Variants in CD86 observed in about 807,000 individuals in gnomAD.
CD86 encodes T-lymphocyte activation antigen CD86.
In CD86, 11 loss-of-function variants were observed where a neutral mutation model predicts 32.1. The ratio of observed to expected loss-of-function variants is 0.34; its 90% CI spans 0.22 to 0.57. The LOEUF is 0.57. Among genes scored for constraint, CD86 ranks in the 20% least tolerant of loss-of-function variants. The pLI is 0.86. For missense variants in CD86, 359 were observed against 398.4 expected, an observed-to-expected ratio of 0.90 and a Z score of 0.84; for synonymous variants, 137 against 135.3, an observed-to-expected ratio of 1.01 and a Z score of -0.09.
At chr3:122,104,457 T>C (rs1446546789) in intron 3 of CD86, among the ~76,000 whole-genome samples, 1 of 152,202 alleles carries the variant, frequency 6.6e-6, no homozygotes, top group African/African-American at 2.4e-5. Context: ...CCACTACAGA[T>C]TTTTTTAAAA....
chr3:122,061,818 T>C (rs2072340755), intron 1 of CD86, among the ~76,000 whole-genome samples: 2 of 152,214 alleles, frequency 1.3e-5, no homozygotes, highest in African/African-American at 4.8e-5. Context: ...ATTTAGTATA[T>C]GACCCAGCAA....
intron 5 of CD86, among the ~76,000 whole-genome samples, chr3:122,117,440 A>G (rs955513039): frequency 6.6e-6 from 1 of 152,354 alleles, no homozygotes; most frequent in Non-Finnish European, 1.5e-5. Flanking sequence ...ATGGACACCC[A>G]GGTTAGCAAC....
chr3:122,093,239 C>T lies in CD86; in HGVS notation c.64+1589C>T, dbSNP rs1036340350. Among the ~76,000 whole-genome samples, 4 of 152,252 alleles carry T rather than the reference C, an allele frequency of 2.6e-5. No individual in the cohort carries two copies. In the East Asian group the frequency reaches 5.8e-4, roughly 22 times the overall value. ...TGGCACAGTCACAGCTCACTGTGGC[C>T]TCGATTACCTGGGCTCAAGCAATTC... On this transcript the variant is annotated intron_variant, in intron 2 of 6. Coordinates refer to ENST00000330540, the MANE Select transcript of CD86 (RefSeq NM_175862.5).
chr3:122,086,534 G>T (rs767649997), intron 1 of CD86: 2 of 459,466 alleles, frequency 4.4e-6, no homozygotes, highest in South Asian at 1.6e-5. Context: ...TTTCCCCAGA[G>T]CTCTTCTAGA....
intron 5 of CD86, 34 bp from the exon 6 acceptor site, chr3:122,118,014 T>C: frequency 6.3e-7 from 1 of 1,590,898 alleles, no homozygotes; most frequent in South Asian, 1.1e-5. Flanking sequence ...CTAGGAGGAA[T>C]ACATTTTTGA....
In CD86 at chr3:122,078,023, C is replaced by T. The variant is rs1224002127; in HGVS notation, c.15-13578C>T. 3.0e-6 allele frequency: 3 copies of T among 985,532 alleles called. No individual in the cohort carries two copies. The African/African-American group carries it at 5.2e-5, about 17-fold the overall frequency. 61.0% of individuals were successfully genotyped at this position (985,532 alleles called of 1,614,324 possible). On this transcript the variant is annotated intron_variant, in intron 1 of 6. Coordinates refer to ENST00000330540, the MANE Select transcript of CD86 (RefSeq NM_175862.5). The stretch of plus-strand genomic sequence containing the variant: ...TGCATCTGGTCTCTTTTTGGAGCTA[C>T]AGTGGACAGGCATTTGTGACAGGTA...
chr3:122,077,109 G>A (rs1046722024), intron 1 of CD86, among the ~76,000 whole-genome samples: 1 of 152,186 alleles, frequency 6.6e-6, no homozygotes, highest in African/African-American at 2.4e-5. Context: ...CTCTTTTGAA[G>A]CTCAAGTGCC....
intron 2 of CD86, among the ~76,000 whole-genome samples, chr3:122,094,340 A>G (rs543884595): frequency 6.6e-6 from 1 of 152,322 alleles, no homozygotes; most frequent in African/African-American, 2.4e-5. Context: ...TTAGCTCCTG[A>G]GAAAAGAGTT....
rs528927255 is a variant in CD86, at chr3:122,115,880, G to A, written c.848-2168G>A. Reference sequence around the variant, plus strand: ...ATCAGTCAATGGAACAAAATAGAGAGTCAAAAATAGATTCACACTGTTGAC... The same window carrying A: ...ATCAGTCAATGGAACAAAATAGAGAATCAAAAATAGATTCACACTGTTGAC... On this transcript the variant is annotated intron_variant, in intron 5 of 6. Coordinates refer to ENST00000330540, the MANE Select transcript of CD86 (RefSeq NM_175862.5). Among the ~76,000 whole-genome samples the A allele has an allele frequency of 2.6e-5, 4 of 151,872 alleles. No individual in the cohort carries two copies. The South Asian group carries it at 8.3e-4, about 32-fold the overall frequency.
At chr3:122,111,229 G>A (rs1022284720) in intron 5 of CD86, among the ~76,000 whole-genome samples, 2 of 152,204 alleles carry the variant, frequency 1.3e-5, no homozygotes, top group African/African-American at 4.8e-5. Context: ...AGGTGCAACA[G>A]GTATAACTAT....
intron 2 of CD86, among the ~76,000 whole-genome samples, chr3:122,095,112 A>C (rs2072885333): frequency 6.6e-6 from 1 of 151,456 alleles, no homozygotes; most frequent in Non-Finnish European, 1.5e-5. Flanking sequence ...CTCTTGAACA[A>C]CACCTCTAGT....
At chr3:122,112,017 T>A (rs138916760) in intron 5 of CD86, among the ~76,000 whole-genome samples, 1 of 152,370 alleles carries the variant, frequency 6.6e-6, no homozygotes, top group African/African-American at 2.4e-5. Flanking sequence ...TCTCTTTTTT[T>A]GTTTTGTCAA....
chr3:122,063,627 C>T (rs2072370426), intron 1 of CD86, among the ~76,000 whole-genome samples: 3 of 148,924 alleles, frequency 2.0e-5, no homozygotes, highest in Middle Eastern at 3.4e-3. Flanking sequence ...CAGAGTCTCA[C>T]TCACGTTGTC....
intron 4 of CD86, among the ~76,000 whole-genome samples, chr3:122,108,188 T>C (rs922295819): frequency 1.3e-5 from 2 of 152,238 alleles, no homozygotes; most frequent in Non-Finnish European, 2.9e-5. Flanking sequence ...TCTTCAGAAA[T>C]GTTTCAGCTC....
chr3:122,095,662 C>T (rs963107679), intron 2 of CD86, among the ~76,000 whole-genome samples: 2 of 152,154 alleles, frequency 1.3e-5, no homozygotes, highest in African/African-American at 4.8e-5. Flanking sequence ...CAGTCGAGAC[C>T]TATCATTCCC....
chr3:122,071,245 T>G (rs1195833928), intron 1 of CD86, among the ~76,000 whole-genome samples: 1 of 152,156 alleles, frequency 6.6e-6, no homozygotes, highest in Non-Finnish European at 1.5e-5. Context: ...ACAGAATAGC[T>G]TCACTGCCCT....
intron 2 of CD86, among the ~76,000 whole-genome samples, chr3:122,097,950 T>G (rs746513780): frequency 2.6e-5 from 4 of 152,078 alleles, no homozygotes; most frequent in Non-Finnish European, 5.9e-5. Context: ...TGCAAGTATG[T>G]GAAAAAGCAT....
intron 5 of CD86, among the ~76,000 whole-genome samples, chr3:122,115,929 C>T (rs1342415046): frequency 6.6e-6 from 1 of 151,922 alleles, no homozygotes; most frequent in African/African-American, 2.4e-5. Flanking sequence ...TAATTCCATG[C>T]AGAAAGGATA....
At chr3:122,078,617 T>C (rs1425063583) in intron 1 of CD86, among the ~76,000 whole-genome samples, 3 of 152,168 alleles carry the variant, frequency 2.0e-5, no homozygotes, top group African/African-American at 7.2e-5. Context: ...AGATCTAATT[T>C]AAAAAGAAAT....
Sources: allele counts gnomAD v4.1 joint callset (sites outside exome capture counted in the v4.1 genomes callset), GRCh38; gene constraint gnomAD v4.1.1; transcripts MANE v1.5; gene names NCBI Gene and HGNC (gene_info 2026-07-23, HGNC 2026-07-21).